Variants in SLC9A6 observed in about 807,000 individuals in gnomAD.
SLC9A6 encodes the protein sodium/hydrogen exchanger 6.
Under a neutral mutation model 45.3 loss-of-function variants are expected in SLC9A6, and 6 were observed. That is an observed-to-expected ratio of 0.13 (90% confidence interval 0.07 to 0.26). SLC9A6 has a LOEUF of 0.26. Ranked by LOEUF, SLC9A6 falls within the 10% of genes least tolerant of loss-of-function variation. The probability of loss-of-function intolerance (pLI) is 1.00; values close to 1 mark genes in which losing one functional copy is unlikely to be tolerated. For missense variants in SLC9A6, 278 were observed against 503.7 expected (o/e 0.55, Z 4.29); for synonymous variants, 191 against 187.7 (o/e 1.02, Z -0.14).
At chrX:136,003,823 G>A (rs2089615356) in intron 7 of SLC9A6, among the ~76,000 whole-genome samples, 1 of 111,589 alleles carries the variant, frequency 9.0e-6, no homozygotes, top group Non-Finnish European at 1.9e-5. Flanking sequence ...TGATAATTGA[G>A]AAATATCTCA....
chrX:136,016,892 G>C, intron 11 of SLC9A6, 134 bp downstream of exon 11: 1 of 402,975 alleles, frequency 2.5e-6, no homozygotes, highest in Admixed American at 5.0e-5. Flanking sequence ...AAGGATTCCA[G>C]CTCTTTTTTC....
chrX:135,974,022 G>A, upstream of SLC9A6: 1 of 625,545 alleles, frequency 1.6e-6, no homozygotes, highest in Non-Finnish European at 2.2e-6. Context: ...AGGGCCAGTG[G>A]CGAGAACAGG....
chrX:135,991,235 C>T (rs895623786), intron 2 of SLC9A6, among the ~76,000 whole-genome samples: 1 of 101,649 alleles, frequency 9.8e-6, no homozygotes, highest in African/African-American at 3.6e-5. Context: ...CTCTCTGCTC[C>T]CTCCCTGCTT....
intron 16 of SLC9A6, 45 bp downstream of exon 16, chrX:136,033,538 G>A (rs782721717): frequency 3.9e-6 from 3 of 764,423 alleles, no homozygotes; most frequent in Non-Finnish European, 5.9e-6. Flanking sequence ...TGTGGACATA[G>A]ATAATTACAG....
At chrX:136,033,155 C>G in intron 15 of SLC9A6, 1 of 240,956 alleles carries the variant, frequency 4.2e-6, no homozygotes, top group Non-Finnish European at 7.7e-6. Flanking sequence ...AGCCACCACA[C>G]CCGGCCCCCA....
chrX:135,998,439 A>G, intron 4 of SLC9A6, 43 bp from the exon 5 acceptor site: 4 of 943,262 alleles, frequency 4.2e-6, no homozygotes, highest in Non-Finnish European at 5.8e-6. Context: ...TTTTCAAGTA[A>G]CTGGTAAGTA....
At chrX:135,985,504 TGGCTC>T (rs1405557837) in intron 1 of SLC9A6, 27 bp downstream of exon 1, 1 of 1,095,444 alleles carries the variant, frequency 9.1e-7, no homozygotes, top group Non-Finnish European at 1.2e-6. Context: ...GGGGGAGACA[TGGCTC>T]GGCGCGGCTG....
intron 3 of SLC9A6, among the ~76,000 whole-genome samples, chrX:135,997,392 C>T (rs1603197266): frequency 1.1e-5 from 1 of 93,311 alleles, no homozygotes; most frequent in African/African-American, 4.0e-5. Flanking sequence ...AATGTTCATG[C>T]TTTCTCTTTT....
At chrX:136,023,107 G>A (rs1031499923) in intron 12 of SLC9A6, among the ~76,000 whole-genome samples, 6 of 89,734 alleles carry the variant, frequency 6.7e-5, no homozygotes, top group African/African-American at 2.5e-4. Flanking sequence ...CACCACGCCT[G>A]GCCTATAATA....
At chrX:136,017,909 CT>C in intron 11 of SLC9A6, among the ~76,000 whole-genome samples, 1 of 111,358 alleles carries the variant, frequency 9.0e-6, no homozygotes, top group Middle Eastern at 4.6e-3. Flanking sequence ...AGGGAATCCA[CT>C]GCAAGCTCAC....
In SLC9A6 at chrX:136,015,010, C is replaced by G. The variant is rs2070993407; in HGVS notation, c.1080+1573C>G. On this transcript the variant is annotated intron_variant, in intron 10 of 17. Coordinates refer to ENST00000630721, the MANE Select transcript of SLC9A6 (RefSeq NM_001379110.1). ...AAGGATGGGGAAGATTTAGGAAGGC[C>G]TAGGGGAGGCAGTACAGATAAAGGC... 1.8e-5 allele frequency among the ~76,000 whole-genome samples: 2 copies of G among 112,172 alleles called. 1 individual carries two copies. The highest frequency in any genetic ancestry group is 7.4e-4 in the South Asian group (2 of 2,715).
At chrX:136,003,877 A>G (rs1199806255) in intron 7 of SLC9A6, among the ~76,000 whole-genome samples, 1 of 111,413 alleles carries the variant, frequency 9.0e-6, no homozygotes, top group East Asian at 2.8e-4. Context: ...TAATCATTTC[A>G]AAACATTTTT....
At position 135,985,464 on chromosome X, in the gene SLC9A6, C is replaced by A. The variant is rs2089315531; in HGVS notation, c.-70C>A. 7 of 1,000,601 alleles carry A rather than the reference C, an allele frequency of 7.0e-6. No homozygotes were observed. Among genetic ancestry groups the A allele is most frequent in the Non-Finnish European group, 7.7e-6 (6 of 780,866 alleles). 82.5% of individuals were successfully genotyped at this position (1,000,601 alleles called of 1,213,427 possible). A position where few individuals can be genotyped will look rare whatever the true frequency, so the allele number is the denominator to read the frequency against. On this transcript the variant is annotated 5_prime_UTR_variant, in exon 1 of 18. Coordinates refer to ENST00000630721, the MANE Select transcript of SLC9A6 (RefSeq NM_001379110.1). ...CCTCGGGGAGTGGTCCGACCGCGGGCGGCCGCCGGTGAGGTAGGGGCGGGA... is the reference window on the plus strand; with the variant it reads ...CCTCGGGGAGTGGTCCGACCGCGGGAGGCCGCCGGTGAGGTAGGGGCGGGA...
chrX:135,998,925 A>G lies in SLC9A6; in HGVS notation c.594A>G (p.Thr198=), dbSNP rs782072028. The G allele has an allele frequency of 4.1e-6, 5 of 1,207,603 alleles. No individual in the cohort carries two copies. In the South Asian group the frequency reaches 8.8e-5, roughly 21 times the overall value. The change falls in exon 6 of 18, where the codon ACA becomes ACG. Residue 198 remains threonine, a synonymous_variant. Coordinates refer to ENST00000630721, the MANE Select transcript of SLC9A6 (RefSeq NM_001379110.1). Reference sequence around the variant, plus strand: ...AACTTGCAGGAGATTTTTACTTTACAGATTGCCTACTGTTTGGTGCCATTG... The same window carrying G: ...AACTTGCAGGAGATTTTTACTTTACGGATTGCCTACTGTTTGGTGCCATTG... ...TGQLAGDFYF[T]DCLLFGAIVS... is the part of the protein sequence containing the mutation.
At chrX:136,023,190 T>C in intron 12 of SLC9A6, among the ~76,000 whole-genome samples, 1 of 40,562 alleles carries the variant, frequency 2.5e-5, no homozygotes, top group African/African-American at 1.3e-4. Context: ...TATATATATA[T>C]ATATATATAT....
intron 10 of SLC9A6, among the ~76,000 whole-genome samples, chrX:136,014,689 CG>C (rs1307236764): frequency 6.2e-5 from 7 of 112,775 alleles, no homozygotes; most frequent in African/African-American, 2.3e-4. Flanking sequence ...CGCTTGAACC[CG>C]GAAGGCGGAG....
At chrX:135,973,904 G>T, upstream of SLC9A6, 1 of 1,147,880 alleles carries the variant, frequency 8.7e-7, no homozygotes, top group Non-Finnish European at 1.2e-6. Flanking sequence ...ACGAACCTGC[G>T]CTATGGAGGC....
intron 13 of SLC9A6, among the ~76,000 whole-genome samples, chrX:136,026,018 A>G (rs2071219485): frequency 8.9e-6 from 1 of 112,121 alleles, no homozygotes; most frequent in Admixed American, 9.5e-5. Flanking sequence ...CTACTCACAC[A>G]AAATTTAATC....
intron 17 of SLC9A6, among the ~76,000 whole-genome samples, chrX:136,043,447 G>A (rs1248069430): frequency 1.8e-5 from 2 of 110,557 alleles, no homozygotes; most frequent in Non-Finnish European, 3.8e-5. Context: ...TTTAGATTTT[G>A]TCTAATAGTC....
Sources: gnomAD v4.1 joint callset for allele counts (sites outside exome capture counted in the v4.1 genomes callset) on GRCh38, gnomAD v4.1.1 for gene constraint, MANE v1.5 for transcripts, NCBI Gene and HGNC (gene_info 2026-07-23, HGNC 2026-07-21) for gene names.